Variants in KDM6A observed in about 807,000 individuals in gnomAD.
The protein encoded by KDM6A is lysine-specific demethylase 6A.
In KDM6A, 11 loss-of-function variants were observed where a neutral mutation model predicts 117.6. The ratio of observed to expected loss-of-function variants is 0.09; its 90% confidence interval spans 0.06 to 0.15. KDM6A has a LOEUF of 0.15. Among genes scored for constraint, KDM6A ranks in the 10% least tolerant of loss-of-function variants. The probability of loss-of-function intolerance (pLI) is 1.00; values close to 1 mark genes in which losing one functional copy is unlikely to be tolerated. For missense variants in KDM6A, 799 were observed against 1,077.3 expected, an observed-to-expected ratio of 0.74 and a Z score of 3.62; for synonymous variants, 384 against 396.1, an observed-to-expected ratio of 0.97 and a Z score of 0.36.
chrX:44,911,219 C>T (rs1290537951), intron 2 of KDM6A, among the ~76,000 whole-genome samples: 3 of 111,102 alleles, frequency 2.7e-5, no homozygotes, highest in African/African-American at 6.5e-5. Flanking sequence ...AGACACTCCT[C>T]ACTTCCCGGA....
intron 2 of KDM6A, among the ~76,000 whole-genome samples, chrX:44,907,619 AT>A (rs762742687): frequency 9.5e-6 from 1 of 105,113 alleles, no homozygotes; most frequent in South Asian, 4.3e-4. Flanking sequence ...AGTAGCATGT[AT>A]TTTTTTTAGT....
intron 2 of KDM6A, among the ~76,000 whole-genome samples, chrX:44,914,218 A>G (rs772288170): frequency 6.2e-4 from 69 of 112,174 alleles, no homozygotes; most frequent in South Asian, 1.5e-3. Context: ...GGGGGAGTCA[A>G]AAGTTACATG....
intron 10 of KDM6A, among the ~76,000 whole-genome samples, chrX:45,058,635 A>G (rs921999977): frequency 9.0e-6 from 1 of 110,723 alleles, no homozygotes; most frequent in Non-Finnish European, 1.9e-5. Context: ...TATTTTGACC[A>G]TATAGGAAAC....
At chrX:45,083,039 C>T (rs1323373101) in intron 23 of KDM6A, among the ~76,000 whole-genome samples, 1 of 110,511 alleles carries the variant, frequency 9.0e-6, no homozygotes, top group Non-Finnish European at 1.9e-5. Context: ...GATCCTCCCA[C>T]CTCAGCCTTC....
At chrX:45,070,444 G>C in intron 18 of KDM6A, 87 bp downstream of exon 18, 1 of 851,810 alleles carries the variant, frequency 1.2e-6, no homozygotes, top group Non-Finnish European at 1.7e-6. Flanking sequence ...TAAGATATGG[G>C]AAGTAAGCAA....
rs1291565473 is a variant in KDM6A, at chrX:45,065,218, G to A, written c.2079+1401G>A. 3.6e-5 allele frequency among the ~76,000 whole-genome samples: 4 copies of A among 111,606 alleles called. No individual in the cohort carries two copies. The East Asian group carries it at 1.1e-3, about 32-fold the overall frequency. ...TTGTTCCAGGTCTAGGGAGCAGCAC[G>A]GAGCAATGGACCCTAAGGTAGGATT... On this transcript the variant is annotated intron_variant, in intron 17 of 29. Coordinates refer to ENST00000611820, the MANE Select transcript of KDM6A (RefSeq NM_001291415.2).
intron 4 of KDM6A, among the ~76,000 whole-genome samples, chrX:44,988,597 T>C (rs1388265999): frequency 9.0e-6 from 1 of 111,581 alleles, no homozygotes; most frequent in Non-Finnish European, 1.9e-5. Context: ...GATGTGGATG[T>C]CCTTTCTGTT....
At chrX:45,076,887 A>C in intron 19 of KDM6A, 61 bp downstream of exon 19, 1 of 1,024,209 alleles carries the variant, frequency 9.8e-7, no homozygotes, top group South Asian at 1.9e-5. Context: ...TCTTTCATAA[A>C]ATCTTTAAAT....
At chrX:45,081,243 TTTTAGTA>T (rs1239538286) in intron 21 of KDM6A, among the ~76,000 whole-genome samples, 1 of 111,943 alleles carries the variant, frequency 8.9e-6, no homozygotes, top group African/African-American at 3.2e-5. Flanking sequence ...GCATGGGGTC[TTTTAGTA>T]TGCTTTAAGA....
At chrX:45,047,984 A>AC (rs1355846738) in intron 8 of KDM6A, among the ~76,000 whole-genome samples, 1 of 107,907 alleles carries the variant, frequency 9.3e-6, no homozygotes, top group Non-Finnish European at 1.9e-5. Context: ...AAATGGCGAG[A>AC]CCCCCATCTC....
At chrX:45,094,773 C>G (rs755877224) in intron 27 of KDM6A, among the ~76,000 whole-genome samples, 2 of 111,853 alleles carry the variant, frequency 1.8e-5, no homozygotes, top group East Asian at 2.8e-4. Flanking sequence ...CTCCTGATTA[C>G]CCTCCCTGCT....
At chrX:44,894,225 C>A (rs1220052585) in intron 2 of KDM6A, among the ~76,000 whole-genome samples, 1 of 111,601 alleles carries the variant, frequency 9.0e-6, no homozygotes, top group Non-Finnish European at 1.9e-5. Context: ...CAGGATAATA[C>A]CAGCCTCCAT....
chrX:45,100,070 C>G (rs1326711965), intron 27 of KDM6A, among the ~76,000 whole-genome samples: 1 of 111,114 alleles, frequency 9.0e-6, no homozygotes, highest in African/African-American at 3.3e-5. Flanking sequence ...TTCATGATTC[C>G]CATTTTAAGG....
intron 2 of KDM6A, among the ~76,000 whole-genome samples, chrX:44,933,564 C>T (rs754358074): frequency 1.7e-4 from 17 of 100,678 alleles, no homozygotes; most frequent in African/African-American, 5.3e-4. Context: ...TGAGCTACTG[C>T]GCCTGGCCGA....
chrX:45,055,660 C>G (rs930259048), intron 10 of KDM6A, among the ~76,000 whole-genome samples: 1 of 111,645 alleles, frequency 9.0e-6, no homozygotes, highest in African/African-American at 3.3e-5. Context: ...GCTTTTGGAG[C>G]TAGCACTATT....
intron 27 of KDM6A, among the ~76,000 whole-genome samples, chrX:45,096,357 T>C (rs1290343531): frequency 8.9e-6 from 1 of 111,928 alleles, no homozygotes; most frequent in Non-Finnish European, 1.9e-5. Flanking sequence ...ATTCAGTGAA[T>C]GTTTATTGTG....
In KDM6A at chrX:45,090,960, CA is replaced by C. The variant is rs749130616; in HGVS notation, c.4034+100del. 1.5e-5 allele frequency: 13 copies of C among 859,249 alleles called. No homozygotes were observed. The South Asian group carries it at 2.5e-4, about 17-fold the overall frequency. The allele number at this position is 859,249 out of a possible 1,213,427, so 70.8% of individuals were successfully genotyped here. On this transcript the variant is annotated intron_variant, in intron 27 of 29. Transcript: ENST00000611820. ...CCTTAGAATTACGTTGACATCAAAG[CA>C]AAATGGTGCAAAAGTCTAGCAGAAT...
chrX:44,892,730 A>G (rs1242086733), intron 2 of KDM6A, among the ~76,000 whole-genome samples: 7 of 99,430 alleles, frequency 7.0e-5, no homozygotes, highest in Admixed American at 2.2e-4. Flanking sequence ...TTGTCTGGGC[A>G]TGGTGGCTCA....
intron 26 of KDM6A, among the ~76,000 whole-genome samples, chrX:45,090,468 G>A (rs1023945724): frequency 5.4e-5 from 6 of 111,760 alleles, no homozygotes; most frequent in Admixed American, 3.8e-4. Context: ...AAATTAATAA[G>A]GTGATGGTGA....
Sources: gnomAD v4.1 joint callset for allele counts (sites outside exome capture counted in the v4.1 genomes callset) on GRCh38, gnomAD v4.1.1 for gene constraint, MANE v1.5 for transcripts, NCBI Gene and HGNC (gene_info 2026-07-23, HGNC 2026-07-21) for gene names.